Variants in FRY observed in about 807,000 individuals in gnomAD.
FRY encodes protein furry homolog.
In FRY, 128 loss-of-function variants were observed where a neutral mutation model predicts 348.4. The ratio of observed to expected loss-of-function variants is 0.37; its 90% CI spans 0.32 to 0.43. The LOEUF (loss-of-function observed/expected upper bound fraction) is 0.43, where lower values mean the gene tolerates loss of function less well. Among genes scored for constraint, FRY ranks in the 20% least tolerant of loss-of-function variants. The pLI, the probability that FRY is intolerant of heterozygous loss-of-function variation, is 1.00. For synonymous variants in FRY, 1,370 were observed against 1,374.7 expected, an observed-to-expected ratio of 1.00 and a Z score of 0.08; for missense variants, 2,736 against 3,695.2, an observed-to-expected ratio of 0.74 and a Z score of 6.73.
chr13:32,166,549 G>A (rs185304094), intron 17 of FRY, among the ~76,000 whole-genome samples: 74 of 152,106 alleles, frequency 4.9e-4, no homozygotes, highest in Admixed American at 3.4e-3. Context: ...TTTTTTTCCC[G>A]CTTTATAATG....
chr13:32,176,294 A>G (rs763860788), intron 20 of FRY, among the ~76,000 whole-genome samples: 1 of 152,262 alleles, frequency 6.6e-6, no homozygotes, highest in Non-Finnish European at 1.5e-5. Context: ...AAAGTATAAT[A>G]ACAGGACCTG....
At chr13:32,145,705 C>T (rs938000819) in intron 11 of FRY, among the ~76,000 whole-genome samples, 45 of 151,046 alleles carry the variant, frequency 3.0e-4, no homozygotes, top group African/African-American at 3.6e-4. Context: ...CCACCGCGCC[C>T]GGCTAATTTT....
At chr13:32,051,682 TA>T (rs1264263168) in intron 1 of FRY, among the ~76,000 whole-genome samples, 1 of 152,230 alleles carries the variant, frequency 6.6e-6, no homozygotes, top group East Asian at 1.9e-4. Flanking sequence ...GATGTGGTTT[TA>T]AAAAATTAAA....
chr13:32,258,848 A>G (rs1887476567), intron 51 of FRY, among the ~76,000 whole-genome samples: 1 of 152,138 alleles, frequency 6.6e-6, no homozygotes, highest in Non-Finnish European at 1.5e-5. Flanking sequence ...ACCTATGATC[A>G]GTCTCTATCT....
chr13:32,216,957 A>G (rs1885027588), intron 35 of FRY, among the ~76,000 whole-genome samples: 1 of 152,240 alleles, frequency 6.6e-6, no homozygotes, highest in South Asian at 2.1e-4. Context: ...AGCTCATTAC[A>G]GTACATTTCT....
intron 19 of FRY, among the ~76,000 whole-genome samples, 193 bp downstream of exon 19, chr13:32,173,742 A>G (rs1320210359): frequency 6.6e-6 from 1 of 152,254 alleles, no homozygotes; most frequent in Non-Finnish European, 1.5e-5. Context: ...TTCTAAAAGC[A>G]ATAGAAAAGA....
intron 11 of FRY, 60 bp from the exon 12 acceptor site, chr13:32,147,222 T>C: frequency 9.7e-7 from 1 of 1,027,310 alleles, no homozygotes; most frequent in South Asian, 1.3e-5. Flanking sequence ...AAGAGCCATC[T>C]CTAGAACCTC....
In FRY at chr13:32,155,703, C is replaced by G. The variant is rs1202054767; in HGVS notation, c.1651+41C>G. 3.5e-6 allele frequency: 5 copies of G among 1,420,482 alleles called. No homozygotes were observed. The Admixed American group carries it at 9.2e-5, about 26-fold the overall frequency. The allele number at this position is 1,420,482 out of a possible 1,614,324, so 88.0% of individuals were successfully genotyped here. ...GCATAAGAACTAAGCCTTATTAAGCCCTTAAAATGACCAGTAGATATTTAT... is the reference window on the plus strand; with the variant it reads ...GCATAAGAACTAAGCCTTATTAAGCGCTTAAAATGACCAGTAGATATTTAT... On this transcript the variant is annotated intron_variant, in intron 15 of 60. Transcript: ENST00000542859.
intron 59 of FRY, chr13:32,291,947 T>C: frequency 2.2e-6 from 1 of 450,588 alleles, no homozygotes; most frequent in South Asian, 1.6e-5. Context: ...GAGTTGCTTC[T>C]TATGCATGAA....
chr13:32,181,575 CAAAAAAAAA>C (rs35272711), intron 23 of FRY, among the ~76,000 whole-genome samples: 1 of 59,038 alleles, frequency 1.7e-5, no homozygotes. Context: ...ACTCCGTCAC[CAAAAAAAAA>C]AAAAAAAAAA....
intron 47 of FRY, among the ~76,000 whole-genome samples, chr13:32,244,764 G>T (rs533045657): frequency 6.6e-6 from 1 of 152,034 alleles, no homozygotes; most frequent in Admixed American, 6.6e-5. Context: ...CTAGTCTCTC[G>T]GTTTCTGTGT....
At chr13:32,138,969 G>A (rs1329629371) in intron 11 of FRY, among the ~76,000 whole-genome samples, 3 of 152,066 alleles carry the variant, frequency 2.0e-5, no homozygotes, top group Non-Finnish European at 2.9e-5. Flanking sequence ...AAATAATTAG[G>A]CAAAGTAAGG....
At chr13:32,203,117 G>C (rs1271221914) in intron 31 of FRY, among the ~76,000 whole-genome samples, 1 of 152,068 alleles carries the variant, frequency 6.6e-6, no homozygotes, top group Non-Finnish European at 1.5e-5. Context: ...CAAATGCAAG[G>C]TGCTTAGATT....
At chr13:32,174,719 A>G (rs904261764) in intron 19 of FRY, among the ~76,000 whole-genome samples, 9 of 151,976 alleles carry the variant, frequency 5.9e-5, no homozygotes, top group African/African-American at 2.2e-4. Flanking sequence ...GCTTTCTTTG[A>G]CCAGCCATAA....
At chr13:32,095,977 T>G (rs75087284) in intron 2 of FRY, among the ~76,000 whole-genome samples, 1 of 151,860 alleles carries the variant, frequency 6.6e-6, no homozygotes. Flanking sequence ...TTCCCTTTTA[T>G]TCCCTCTTTC....
chr13:32,106,665 A>G (rs1035161643), intron 3 of FRY, among the ~76,000 whole-genome samples: 2 of 152,224 alleles, frequency 1.3e-5, no homozygotes, highest in South Asian at 2.1e-4. Flanking sequence ...CTTATATCCA[A>G]TTAGCCAGAT....
chr13:32,145,532 T>G (rs1424407105), intron 11 of FRY, among the ~76,000 whole-genome samples: 3 of 133,684 alleles, frequency 2.2e-5, no homozygotes, highest in African/African-American at 5.7e-5. Flanking sequence ...ATTTGTTTTT[T>G]TTTTTTTTTT....
At position 32,179,503 on chromosome 13, in the gene FRY, TTGTGTGTGTGTGTG is replaced by T. The variant is rs10628771; in HGVS notation, c.2872-146_2872-133del. Among the ~76,000 whole-genome samples, 120 of 137,642 alleles carry T rather than the reference TTGTGTGTGTGTGTG, an allele frequency of 8.7e-4. 1 individual carries two copies. Among genetic ancestry groups the T allele is most frequent in the Admixed American group, 3.9e-3 (53 of 13,592 alleles). The allele number at this position is 137,642 out of a possible 152,430, so 90.3% of individuals were successfully genotyped here. The stretch of plus-strand genomic sequence containing the variant: ...TTGCATTCATTTTGCTGTATTAAAT[TTGTGTGTGTGTGTG>T]TGTGTGTGTGTGTGTGTGTGTGTGT... On this transcript the variant is annotated intron_variant, in intron 22 of 60. Transcript: ENST00000542859.
In FRY at chr13:32,083,820, G is replaced by A. The variant is rs1015745888; in HGVS notation, c.270+4787G>A. Among the ~76,000 whole-genome samples, 5 of 152,096 alleles carry A rather than the reference G, an allele frequency of 3.3e-5. No individual in the cohort carries two copies. In the East Asian group the frequency reaches 9.7e-4, roughly 29 times the overall value. On this transcript the variant is annotated intron_variant, in intron 2 of 60. Coordinates refer to ENST00000542859, the MANE Select transcript of FRY (RefSeq NM_023037.3). ...TGCATAGATTTTTCTCTAGTCCATT[G>A]TTTAGGACCAGACTTTATGTAAGGC... is the stretch of plus-strand genomic sequence containing the variant.
Sources: allele counts gnomAD v4.1 joint callset (sites outside exome capture counted in the v4.1 genomes callset), GRCh38; gene constraint gnomAD v4.1.1; transcripts MANE v1.5; gene names NCBI Gene and HGNC (gene_info 2026-07-23, HGNC 2026-07-21).